KIFC2: variants seen among roughly 807,000 people sequenced by gnomAD.
KIFC2 encodes the protein kinesin family member C2.
KIFC2 carries 94 observed loss-of-function variants against 91.5 expected under a neutral mutation model. The observed-to-expected ratio is 1.03, with a 90% CI of 0.87 to 1.22. The LOEUF (loss-of-function observed/expected upper bound fraction) is 1.22. KIFC2 is among the 50% of genes most tolerant of loss of function. KIFC2 has a pLI of 0.00. For missense variants in KIFC2, 1,357 were observed against 1,103.3 expected (o/e 1.23, Z -3.26); for synonymous variants, 729 against 503.9 (o/e 1.45, Z -5.98).
Position 144,472,566 on chromosome 8 carries a change from C to A in KIFC2, c.1732-11C>A, listed in dbSNP as rs775534879. The A allele has an allele frequency of 6.8e-6, 11 of 1,611,742 alleles. No homozygotes were observed. The East Asian group carries it at 2.5e-4, about 36-fold the overall frequency. ...CCCTGCACCTGACCAGCCCTTCGCC[C>A]CGCCTTCCAGATGCTGAAACTGGGG... On this transcript the variant is annotated splice_polypyrimidine_tract_variant and intron_variant, in intron 15 of 17. Transcript: ENST00000645548.
chr8:144,467,423 C>CA (rs764447971), intron 4 of KIFC2, 62 bp from the exon 5 acceptor site: 51 of 1,541,866 alleles, frequency 3.3e-5, no homozygotes, highest in Non-Finnish European at 4.3e-5. Context: ...AGTTCGGGGT[C>CA]ATGTTCCGGA....
Position 144,468,780 on chromosome 8 carries a change from G to A in KIFC2, c.1059G>A (p.Leu353=), listed in dbSNP as rs1438571300. 6 of 1,614,066 alleles carry A rather than the reference G, an allele frequency of 3.7e-6. No individual in the cohort carries two copies. The highest frequency in any genetic ancestry group is 5.1e-6 in the Non-Finnish European group (6 of 1,180,026). The change falls in exon 10 of 18, where the codon TTG becomes TTA. Residue 353 remains leucine, a synonymous_variant. Transcript: ENST00000645548. ...AGGGCTGCGGGGACCTCCGAGGTTT[G>A]GTCAGCACCTTTACCCAGAGCTGTC... ...LRQGCGDLRG[L]VSTFTQSCQG... is the part of the protein sequence containing the mutation.
rs754641521 is a variant in KIFC2 at position 144,466,437 on chromosome 8, G to A, written c.18G>A (p.Ser6=). The change falls in exon 1 of 18, where the codon TCG becomes TCA. Residue 6 remains serine, a synonymous_variant. Transcript: ENST00000645548. ...GCGCTCCCATGTACGCCTTTTACTC[G>A]TTGCTCATCTACATCTTCTACAGCC... MYAFY[S]LLIYIFYSLF... is the part of the protein sequence containing the mutation. 1.5e-6 allele frequency: 2 copies of A among 1,356,638 alleles called. No homozygotes were observed. Among genetic ancestry groups the A allele is most frequent in the South Asian group, 1.6e-5 (1 of 61,026 alleles). 84.0% of individuals were successfully genotyped at this position (1,356,638 alleles called of 1,614,324 possible). A position where few individuals can be genotyped will look rare whatever the true frequency, so the allele number is the denominator to read the frequency against.
chr8:144,472,700 A>T lies in KIFC2; in HGVS notation c.1855A>T (p.Thr619Ser). 6.3e-7 allele frequency: 1 copy of T among 1,594,090 alleles called. No individual in the cohort carries two copies. Among genetic ancestry groups the T allele is most frequent in the South Asian group, 1.1e-5 (1 of 90,808 alleles). Residue 619 changes from threonine (T) to serine (S), a missense_variant, in exon 16 of 18, where the codon ACC becomes TCC. By Grantham distance (58) the Thr-to-Ser change is moderately conservative. Transcript: ENST00000645548. ...RAASPPRAPG[T>S]AGTLHLVDLA... ...GGCGTCTCCACCGCGCGCTCCAGGCACCGCAGGTACCACGGCCGGTGCCTG... is the reference window on the plus strand; with the variant it reads ...GGCGTCTCCACCGCGCGCTCCAGGCTCCGCAGGTACCACGGCCGGTGCCTG...
chr8:144,473,502 A>C lies in KIFC2; in HGVS notation c.*113A>C. 7.1e-7 allele frequency: 1 copy of C among 1,413,926 alleles called. No individual in the cohort carries two copies. The highest frequency in any genetic ancestry group is 1.5e-5 in the South Asian group (1 of 65,840). The allele number at this position is 1,413,926 out of a possible 1,614,324, so 87.6% of individuals were successfully genotyped here. A position where few individuals can be genotyped will look rare whatever the true frequency, so the allele number is the denominator to read the frequency against. ...GGCACAAGCTCCCTAGCCTCTTTGG[A>C]TCCATTGCCCCTGAGCTCCCAGAGT... On this transcript the variant is annotated 3_prime_UTR_variant, in exon 18 of 18. Coordinates refer to ENST00000645548, the MANE Select transcript of KIFC2 (RefSeq NM_001369769.2).
rs748334589 is a variant in KIFC2 at position 144,466,754 on chromosome 8, C to G, written c.100-6C>G. The G allele has an allele frequency of 1.1e-5, 17 of 1,528,942 alleles. No individual in the cohort carries two copies. The highest frequency in any genetic ancestry group is 1.4e-5 in the Non-Finnish European group (16 of 1,144,678). The allele number at this position is 1,528,942 out of a possible 1,614,324, so 94.7% of individuals were successfully genotyped here. On this transcript the variant is annotated splice_polypyrimidine_tract_variant and splice_region_variant and intron_variant, in intron 1 of 17. Coordinates refer to ENST00000645548, the MANE Select transcript of KIFC2 (RefSeq NM_001369769.2). Reference sequence around the variant, plus strand: ...CTCCTCAGGGGCGCCCCTGCCCCCTCCCTAGAGAGCCCGCAAGCCCCGGGG... The same window carrying G: ...CTCCTCAGGGGCGCCCCTGCCCCCTGCCTAGAGAGCCCGCAAGCCCCGGGG...
Position 144,472,165 on chromosome 8 carries a change from C to T in KIFC2, c.1513C>T (p.Pro505Ser). Reference sequence around the variant, plus strand: ...CCCTCCTGAGGACCCCGGCATAGTTCCTAGGGCGCTGCAGTCGCTGTTCCG... The same window carrying T: ...CCCTCCTGAGGACCCCGGCATAGTTTCTAGGGCGCTGCAGTCGCTGTTCCG... ...EGPPEDPGIVPRALQSLFREM... is the reference protein window; with the variant it reads ...EGPPEDPGIVSRALQSLFREM... The change falls in exon 14 of 18, where the codon CCT becomes TCT. Residue 505 changes from proline (P) to serine (S), a missense_variant. Transcript: ENST00000645548. 3 of 1,613,284 alleles carry T rather than the reference C, an allele frequency of 1.9e-6. No homozygotes were observed. In the South Asian group the frequency reaches 3.3e-5, roughly 18 times the overall value.
chr8:144,468,940 G>A (rs1021351539), intron 10 of KIFC2, 106 bp downstream of exon 10: 2 of 895,154 alleles, frequency 2.2e-6, no homozygotes, highest in African/African-American at 3.3e-5. Context: ...GTGGGGCTCT[G>A]GAACCCAAAC....
Position 144,467,413 on chromosome 8 carries a change from A to T in KIFC2, c.469+72A>T. ...TCCCGGTAGAACCTGGGCGGCCTGG[A>T]GTTCGGGGTCATGTTCCGGAAGATT... On this transcript the variant is annotated intron_variant, in intron 4 of 17. Coordinates refer to ENST00000645548, the MANE Select transcript of KIFC2 (RefSeq NM_001369769.2). The T allele has an allele frequency of 1.9e-6, 3 of 1,543,428 alleles. No individual in the cohort carries two copies. The South Asian group carries it at 3.8e-5, about 19-fold the overall frequency.
In KIFC2 at chr8:144,469,257, C is replaced by T. The variant is rs547590251; in HGVS notation, c.1114-14C>T. 7 of 1,565,960 alleles carry T rather than the reference C, an allele frequency of 4.5e-6. No individual in the cohort carries two copies. Among genetic ancestry groups the T allele is most frequent in the African/African-American group, 1.3e-5 (1 of 74,406 alleles). ...GGCTGACCCCTTGCCTTCTGTACAT[C>T]CCTGTTCCCTCAGGTGTCCTGGGCC... On this transcript the variant is annotated splice_polypyrimidine_tract_variant and intron_variant, in intron 10 of 17. Coordinates refer to ENST00000645548, the MANE Select transcript of KIFC2 (RefSeq NM_001369769.2).
rs1313653718 is a variant in KIFC2, at chr8:144,466,517, A to T, written c.98A>T (p.Gln33Leu). The T allele has an allele frequency of 7.9e-7, 1 of 1,273,542 alleles. No homozygotes were observed. The highest frequency in any genetic ancestry group is 1.6e-5 in the African/African-American group (1 of 63,118). The allele number at this position is 1,273,542 out of a possible 1,614,324, so 78.9% of individuals were successfully genotyped here. A position where few individuals can be genotyped will look rare whatever the true frequency, so the allele number is the denominator to read the frequency against. Reference protein sequence around the residue: ...AAAAEPGDPAQRARKPRGRRR... With the variant: ...AAAAEPGDPALRARKPRGRRR... ...GCCGCGGAGCCCGGGGACCCCGCCC[A>T]GGTGAGCGGGGCTGGCCGTGCAGCC... Residue 33 changes from glutamine (Q) to leucine (L), a missense_variant and splice_region_variant, in exon 1 of 18, where the codon CAG becomes CTG. Physicochemically the swap from Gln to Leu is moderately radical, Grantham distance 113 (BLOSUM62 -2). Transcript: ENST00000645548.
chr8:144,473,926 C>T lies in KIFC2; in HGVS notation c.*537C>T, dbSNP rs1428575251. On this transcript the variant is annotated 3_prime_UTR_variant, in exon 18 of 18. Coordinates refer to ENST00000645548, the MANE Select transcript of KIFC2 (RefSeq NM_001369769.2). ...GCCTGGAGCACGGGAGGGGAGGTGA[C>T]GGCTGGTGACTGATGGATGGGTAGT... 1.1e-5 allele frequency: 5 copies of T among 436,024 alleles called. No individual in the cohort carries two copies. Among genetic ancestry groups the T allele is most frequent in the Middle Eastern group, 5.9e-4 (1 of 1,708 alleles). 27.0% of individuals were successfully genotyped at this position (436,024 alleles called of 1,614,324 possible). A position where few individuals can be genotyped will look rare whatever the true frequency, so the allele number is the denominator to read the frequency against.
intron 16 of KIFC2, 25 bp downstream of exon 16, chr8:144,472,731 T>TG: frequency 6.3e-7 from 1 of 1,592,648 alleles, no homozygotes. Context: ...GCCTGAGCCC[T>TG]GCGGAGTCTC....
In KIFC2 at chr8:144,467,460, GCTAACTGGGCCCAC is replaced by G; in HGVS notation, c.470-23_470-10del. 1.3e-6 allele frequency: 2 copies of G among 1,548,826 alleles called. No homozygotes were observed. Among genetic ancestry groups the G allele is most frequent in the South Asian group, 1.3e-5 (1 of 79,666 alleles). On this transcript the variant is annotated splice_polypyrimidine_tract_variant and intron_variant, in intron 4 of 17. Transcript: ENST00000645548. The stretch of plus-strand genomic sequence containing the variant: ...GATTTGGACTAGAGACCTCTTCAGT[GCTAACTGGGCCCAC>G]CCTACTCCAGGATCCACATCCCAAG...
intron 1 of KIFC2, 103 bp from the exon 2 acceptor site, chr8:144,466,657 G>A: frequency 1.9e-6 from 2 of 1,073,778 alleles, no homozygotes; most frequent in Non-Finnish European, 2.5e-6. Context: ...CCCGATGCTG[G>A]AAGCGTAGAC....
chr8:144,472,884 C>T lies in KIFC2; in HGVS notation c.1951C>T (p.Arg651Trp), dbSNP rs780459920. The change falls in exon 17 of 18, where the codon CGG (arginine) becomes TGG (tryptophan). Residue 651 changes from arginine to tryptophan, a missense_variant. Coordinates refer to ENST00000645548, the MANE Select transcript of KIFC2 (RefSeq NM_001369769.2). Reference sequence around the variant, plus strand: ...GCCGCGGGGAGACCCAGACGGCGCCCGGCGCCTGCGGGAGGCCCAGACCAT... The same window carrying T: ...GCCGCGGGGAGACCCAGACGGCGCCTGGCGCCTGCGGGAGGCCCAGACCAT... The part of the protein sequence containing the change: ...GPPRGDPDGA[R>W]RLREAQTINR... 3.8e-5 allele frequency: 58 copies of T among 1,521,708 alleles called. No individual in the cohort carries two copies. The highest frequency in any genetic ancestry group is 5.0e-5 in the Non-Finnish European group (57 of 1,149,262). The allele number at this position is 1,521,708 out of a possible 1,614,324, so 94.3% of individuals were successfully genotyped here.
At chr8:144,466,257 T>G, upstream of KIFC2, 2 of 196,170 alleles carry the variant, frequency 1.0e-5, no homozygotes, top group Non-Finnish European at 1.0e-5. Flanking sequence ...GGGCACCTGT[T>G]TCTAGTACCC....
rs768413174 is a variant in KIFC2 at position 144,469,569 on chromosome 8, C to T, written c.1302C>T (p.Thr434=). 2.5e-5 allele frequency: 41 copies of T among 1,613,500 alleles called. No homozygotes were observed. The highest frequency in any genetic ancestry group is 4.5e-5 in the East Asian group (2 of 44,890). ...LVSVEPGPGG[T]VTTCYRGRHR... The stretch of plus-strand genomic sequence containing the variant: ...GTGTGGAGCCTGGCCCAGGGGGCAC[C>T]GTCACCACCTGCTACCGGGGGCGCC... The change falls in exon 12 of 18, where the codon ACC becomes ACT. Residue 434 remains threonine, a synonymous_variant. Coordinates refer to ENST00000645548, the MANE Select transcript of KIFC2 (RefSeq NM_001369769.2).
At chr8:144,468,211 C>A in intron 7 of KIFC2, 118 bp from the exon 8 acceptor site, 3 of 1,078,156 alleles carry the variant, frequency 2.8e-6, no homozygotes, top group South Asian at 1.5e-5. Flanking sequence ...CTGCGTGGAG[C>A]TGGGAGGCAT....
Sources: gnomAD v4.1 joint callset for allele counts on GRCh38, gnomAD v4.1.1 for gene constraint, MANE v1.5 for transcripts, NCBI Gene and HGNC (gene_info 2026-07-23, HGNC 2026-07-21) for gene names.